The following IGF1 variants were observed in gnomAD, a reference collection of about 807,000 sequenced individuals.
IGF1 encodes insulin-like growth factor 1.
IGF1 carries 4 observed loss-of-function variants against 13.8 expected under a neutral mutation model. That is an observed-to-expected ratio of 0.29 (90% CI 0.14 to 0.66). The LOEUF is 0.66. Ranked by LOEUF, IGF1 falls within the 30% of genes least tolerant of loss-of-function variation. The probability of loss-of-function intolerance (pLI) is 0.78; values close to 1 mark genes in which losing one functional copy is unlikely to be tolerated. For synonymous variants in IGF1, 76 were observed against 72.6 expected (o/e 1.05, Z -0.23); for missense variants, 124 against 188.5 (o/e 0.66, Z 2.00).
chr12:102,480,276 A>C (rs765296872), intron 1 of IGF1, 43 bp downstream of exon 1: 2 of 1,573,540 alleles, frequency 1.3e-6, no homozygotes, highest in Non-Finnish European at 1.7e-6. Flanking sequence ...TACACAATTT[A>C]AATAGAATTC....
intron 2 of IGF1, among the ~76,000 whole-genome samples, chr12:102,449,797 T>C (rs769644871): frequency 5.9e-5 from 9 of 151,856 alleles, no homozygotes; most frequent in Non-Finnish European, 1.2e-4. Context: ...TCGATGGTTC[T>C]TCTACCTCTA....
At chr12:102,452,556 TA>T (rs1237361114) in intron 2 of IGF1, among the ~76,000 whole-genome samples, 4 of 152,182 alleles carry the variant, frequency 2.6e-5, no homozygotes, top group African/African-American at 9.6e-5. Context: ...CAATCTGTGT[TA>T]GGGGGGTCTT....
intron 2 of IGF1, among the ~76,000 whole-genome samples, chr12:102,441,963 T>TCTTCTTCTTCTTCTTCTTCTTCTTCC (rs1877896070): frequency 6.8e-6 from 1 of 147,898 alleles, no homozygotes; most frequent in Non-Finnish European, 1.5e-5. Context: ...TTCTTTTTTT[T>TCTTCTTCTTCTTCTTCTTCTTCTTCC]TTTTGAGACA....
intron 1 of IGF1, among the ~76,000 whole-genome samples, chr12:102,477,452 C>T (rs1945541502): frequency 6.6e-6 from 1 of 151,532 alleles, no homozygotes; most frequent in African/African-American, 2.4e-5. Context: ...TTTTTCTCAA[C>T]AAGATCTCCG....
intron 3 of IGF1, among the ~76,000 whole-genome samples, chr12:102,412,755 T>C (rs1874757245): frequency 6.6e-6 from 1 of 152,240 alleles, no homozygotes; most frequent in South Asian, 2.1e-4. Context: ...GAATCAGACA[T>C]GGACTCATAA....
chr12:102,411,358 A>T (rs1874621983), intron 3 of IGF1, among the ~76,000 whole-genome samples: 1 of 152,138 alleles, frequency 6.6e-6, no homozygotes, highest in Admixed American at 6.5e-5. Flanking sequence ...AATTATTTGG[A>T]ACTTTTGTCT....
intron 2 of IGF1, among the ~76,000 whole-genome samples, chr12:102,455,248 T>C (rs2137171214): frequency 6.6e-6 from 1 of 152,346 alleles, no homozygotes; most frequent in East Asian, 1.9e-4. Flanking sequence ...GCACAGCAAG[T>C]GCAGTTAACA....
At chr12:102,464,852 A>G (rs898745284) in intron 2 of IGF1, among the ~76,000 whole-genome samples, 5 of 152,224 alleles carry the variant, frequency 3.3e-5, no homozygotes, top group African/African-American at 1.2e-4. Context: ...CCTCTGCTGA[A>G]TGCTGCTTTT....
chr12:102,426,375 T>A (rs1009283430), intron 2 of IGF1, among the ~76,000 whole-genome samples: 8 of 152,256 alleles, frequency 5.3e-5, no homozygotes, highest in Non-Finnish European at 8.8e-5. Context: ...ACTATATAAA[T>A]GTTGACAATT....
intron 2 of IGF1, among the ~76,000 whole-genome samples, chr12:102,422,180 A>C (rs1875786147): frequency 6.6e-6 from 1 of 152,108 alleles, no homozygotes; most frequent in Non-Finnish European, 1.5e-5. Context: ...GAATTTTAGG[A>C]CTTTTCTGCA....
intron 2 of IGF1, among the ~76,000 whole-genome samples, chr12:102,422,139 T>C (rs1402571458): frequency 3.3e-5 from 5 of 152,214 alleles, no homozygotes; most frequent in South Asian, 2.1e-4. Flanking sequence ...TCATGCTTTT[T>C]AGTCTGTAGA....
intron 2 of IGF1, among the ~76,000 whole-genome samples, chr12:102,473,342 G>A (rs1277299287): frequency 2.0e-5 from 3 of 152,016 alleles, no homozygotes; most frequent in Non-Finnish European, 4.4e-5. Context: ...TCATTTCTAG[G>A]CATCTCATTC....
At chr12:102,416,517 G>T (rs1291748270) in intron 3 of IGF1, among the ~76,000 whole-genome samples, 1 of 152,154 alleles carries the variant, frequency 6.6e-6, no homozygotes, top group Non-Finnish European at 1.5e-5. Context: ...ATTATGTGCT[G>T]TTGTCTCCTG....
At position 102,399,052 on chromosome 12, in the gene IGF1, T is replaced by C. The variant is rs1873462249; in HGVS notation, c.*3455A>G. The C allele has an allele frequency of 6.6e-6, 1 of 152,316 alleles. No homozygotes were observed. The highest frequency in any genetic ancestry group is 2.1e-4 in the South Asian group (1 of 4,818). The allele number at this position is 152,316 out of a possible 1,614,324, so 9.4% of individuals were successfully genotyped here. A position where few individuals can be genotyped will look rare whatever the true frequency, so the allele number is the denominator to read the frequency against. Reference sequence around the variant, plus strand: ...TTTTGTTTGTTTGTTTGTTTTTTAATAAAATTTTCAAGGAAGTGATTTCTT... The same window carrying C: ...TTTTGTTTGTTTGTTTGTTTTTTAACAAAATTTTCAAGGAAGTGATTTCTT... On this transcript the variant is annotated 3_prime_UTR_variant, in exon 4 of 4. Coordinates refer to ENST00000337514, the MANE Select transcript of IGF1 (RefSeq NM_000618.5).
chr12:102,440,153 C>T (rs1345673123), intron 2 of IGF1, among the ~76,000 whole-genome samples: 1 of 152,190 alleles, frequency 6.6e-6, no homozygotes, highest in East Asian at 1.9e-4. Context: ...TGTCATAAGA[C>T]AGACCCCACA....
chr12:102,457,885 C>G (rs1879547816), intron 2 of IGF1, among the ~76,000 whole-genome samples: 3 of 152,112 alleles, frequency 2.0e-5, no homozygotes, highest in Non-Finnish European at 4.4e-5. Context: ...GATGGGTGTT[C>G]ATGAACGTTA....
intron 2 of IGF1, among the ~76,000 whole-genome samples, chr12:102,447,273 A>G (rs535962250): frequency 4.1e-4 from 63 of 152,278 alleles, no homozygotes; most frequent in African/African-American, 1.5e-3. Context: ...CAAGTCCTGA[A>G]TATCCTTGCT....
chr12:102,420,112 T>A (rs1173461066), intron 2 of IGF1, among the ~76,000 whole-genome samples: 3 of 152,250 alleles, frequency 2.0e-5, no homozygotes, highest in African/African-American at 7.2e-5. Context: ...TTTGCCTTTT[T>A]GTTTAACTGC....
chr12:102,480,224 A>G, intron 1 of IGF1, 95 bp downstream of exon 1: 1 of 1,244,996 alleles, frequency 8.0e-7, no homozygotes, highest in Non-Finnish European at 1.2e-6. Context: ...CGAAACAATG[A>G]AAATTTTAAA....
Sources: gnomAD v4.1 joint callset for allele counts (sites outside exome capture counted in the v4.1 genomes callset) on GRCh38, gnomAD v4.1.1 for gene constraint, MANE v1.5 for transcripts, NCBI Gene and HGNC (gene_info 2026-07-23, HGNC 2026-07-21) for gene names.